Variants in PPP2R2B observed in about 807,000 individuals in gnomAD.
PPP2R2B encodes the protein protein phosphatase 2 regulatory subunit Bbeta, also known as serine/threonine-protein phosphatase 2A 55 kDa regulatory subunit B beta isoform.
A neutral mutation model predicts 46.0 loss-of-function variants in PPP2R2B; 5 were observed. The observed-to-expected ratio is 0.11, with a 90% CI of 0.06 to 0.23. The LOEUF (loss-of-function observed/expected upper bound fraction) is 0.23. PPP2R2B is among the 10% of genes least tolerant of loss of function. The pLI is 1.00. For synonymous variants in PPP2R2B, 215 were observed against 206.7 expected, an observed-to-expected ratio of 1.04 and a Z score of -0.34; for missense variants, 367 against 575.0, an observed-to-expected ratio of 0.64 and a Z score of 3.70.
intron 2 of PPP2R2B, chr5:146,751,536 T>C (rs538630987): frequency 1.3e-5 from 2 of 152,360 alleles, no homozygotes; most frequent in South Asian, 2.1e-4. Flanking sequence ...TTGCATTTTG[T>C]CATTCTTTCA....
chr5:146,713,097 A>G (rs935238819), intron 2 of PPP2R2B, among the ~76,000 whole-genome samples: 4 of 152,230 alleles, frequency 2.6e-5, no homozygotes, highest in Admixed American at 2.0e-4. Flanking sequence ...GATGAACAGG[A>G]CTGGCATTTT....
chr5:146,761,918 G>T (rs937480904), intron 2 of PPP2R2B, among the ~76,000 whole-genome samples: 2 of 152,132 alleles, frequency 1.3e-5, no homozygotes, highest in Non-Finnish European at 2.9e-5. Context: ...ATAGCAAACC[G>T]CATTGAGCTC....
At chr5:146,643,766 A>G (rs1197080031) in intron 6 of PPP2R2B, among the ~76,000 whole-genome samples, 1 of 152,228 alleles carries the variant, frequency 6.6e-6, no homozygotes, top group Non-Finnish European at 1.5e-5. Flanking sequence ...AAAAAGAAAA[A>G]GGCATATGGT....
upstream of PPP2R2B, among the ~76,000 whole-genome samples, chr5:146,880,504 G>A (rs192338196): frequency 2.0e-5 from 3 of 152,094 alleles, no homozygotes. Context: ...GAGCAGAGTG[G>A]GGAAAAGCTA....
intron 1 of PPP2R2B, among the ~76,000 whole-genome samples, chr5:146,972,970 G>C (rs1485882108): frequency 6.6e-6 from 1 of 151,928 alleles, no homozygotes; most frequent in African/African-American, 2.4e-5. Flanking sequence ...TTGCCATATA[G>C]ATTTTAAAAA....
At chr5:146,757,236 G>C (rs1307824924) in intron 2 of PPP2R2B, among the ~76,000 whole-genome samples, 1 of 152,180 alleles carries the variant, frequency 6.6e-6, no homozygotes, top group Admixed American at 6.5e-5. Context: ...GTTTTGTGCT[G>C]TGTACAAAGG....
chr5:146,850,764 T>C (rs1760299346), intron 2 of PPP2R2B, among the ~76,000 whole-genome samples: 1 of 152,108 alleles, frequency 6.6e-6, no homozygotes, highest in South Asian at 2.1e-4. Context: ...CATTTATCTT[T>C]ATTATTCTTT....
intron 1 of PPP2R2B, among the ~76,000 whole-genome samples, chr5:147,005,372 A>G (rs965069055): frequency 2.0e-5 from 3 of 152,212 alleles, no homozygotes; most frequent in African/African-American, 7.2e-5. Context: ...AGTGGCACTT[A>G]CCCGAGCTTT....
At chr5:146,872,646 T>C (rs1161436593) in intron 2 of PPP2R2B, among the ~76,000 whole-genome samples, 3 of 152,216 alleles carry the variant, frequency 2.0e-5, no homozygotes, top group African/African-American at 7.2e-5. Context: ...AAAAAGCTAA[T>C]GTATTTCACA....
At chr5:146,949,430 T>G (rs1464403491) in intron 1 of PPP2R2B, among the ~76,000 whole-genome samples, 1 of 152,062 alleles carries the variant, frequency 6.6e-6, no homozygotes, top group Non-Finnish European at 1.5e-5. Flanking sequence ...ATCTGAGAAA[T>G]GCAAATCCAA....
chr5:146,893,104 T>C (rs1194500311), intron 1 of PPP2R2B, among the ~76,000 whole-genome samples: 2 of 152,202 alleles, frequency 1.3e-5, no homozygotes, highest in Non-Finnish European at 2.9e-5. Flanking sequence ...CTGTCACTCA[T>C]CCATCCATTT....
intron 2 of PPP2R2B, among the ~76,000 whole-genome samples, chr5:146,821,517 C>T (rs1286681932): frequency 6.6e-6 from 1 of 152,214 alleles, no homozygotes; most frequent in Admixed American, 6.5e-5. Context: ...TGCCTCTAGG[C>T]TTAGCCCTGG....
chr5:146,596,899 G>A (rs1771227504), intron 8 of PPP2R2B, among the ~76,000 whole-genome samples: 2 of 152,178 alleles, frequency 1.3e-5, no homozygotes, highest in Admixed American at 1.3e-4. Flanking sequence ...GGAACACAGA[G>A]TCATCAAAGT....
chr5:146,697,094 T>C (rs1436080602), intron 4 of PPP2R2B, among the ~76,000 whole-genome samples: 3 of 152,230 alleles, frequency 2.0e-5, no homozygotes, highest in Non-Finnish European at 4.4e-5. Flanking sequence ...CCTTGCTTCT[T>C]GCTTCTCGAT....
At chr5:146,996,902 C>T (rs1376150784) in intron 1 of PPP2R2B, among the ~76,000 whole-genome samples, 1 of 152,134 alleles carries the variant, frequency 6.6e-6, no homozygotes, top group African/African-American at 2.4e-5. Flanking sequence ...GTTTCTCTCT[C>T]CCTCCAGGCC....
At chr5:147,045,634 C>T (rs991243839) in intron 1 of PPP2R2B, among the ~76,000 whole-genome samples, 3 of 152,106 alleles carry the variant, frequency 2.0e-5, no homozygotes, top group South Asian at 2.1e-4. Context: ...CTTTTCATGC[C>T]GCAAATATGA....
intron 7 of PPP2R2B, among the ~76,000 whole-genome samples, chr5:146,623,122 G>A (rs766635649): frequency 2.0e-5 from 3 of 152,192 alleles, no homozygotes; most frequent in African/African-American, 2.4e-5. Flanking sequence ...GCAACAGTAC[G>A]TTGGATTAAC....
At chr5:146,912,604 A>C (rs572326771) in intron 1 of PPP2R2B, among the ~76,000 whole-genome samples, 10 of 151,146 alleles carry the variant, frequency 6.6e-5, no homozygotes, top group Admixed American at 6.6e-4. Context: ...ACCTGGGTTC[A>C]AGCAATTCTC....
chr5:146,753,290 T>G (rs1167518675), intron 2 of PPP2R2B, among the ~76,000 whole-genome samples: 3 of 152,210 alleles, frequency 2.0e-5, no homozygotes, highest in African/African-American at 7.2e-5. Flanking sequence ...TGCAAAATAC[T>G]TGGTAATAAT....
Sources: gnomAD v4.1 joint callset for allele counts (sites outside exome capture counted in the v4.1 genomes callset) on GRCh38, gnomAD v4.1.1 for gene constraint, MANE v1.5 for transcripts, NCBI Gene and HGNC (gene_info 2026-07-23, HGNC 2026-07-21) for gene names.